Variants in NR3C2 observed in about 807,000 individuals in gnomAD.
NR3C2 encodes nuclear receptor subfamily 3 group C member 2.
In NR3C2, 15 loss-of-function variants were observed where a neutral mutation model predicts 86.4. The ratio of observed to expected loss-of-function variants is 0.17; its 90% confidence interval spans 0.12 to 0.27. The LOEUF (loss-of-function observed/expected upper bound fraction) is 0.27. Ranked by LOEUF, NR3C2 falls within the 10% of genes least tolerant of loss-of-function variation. The pLI is 1.00. For missense variants in NR3C2, 960 were observed against 1,195.6 expected, an observed-to-expected ratio of 0.80 and a Z score of 2.91; for synonymous variants, 458 against 450.5, an observed-to-expected ratio of 1.02 and a Z score of -0.21.
rs1750079100 is a variant in NR3C2 at position 148,436,469 on chromosome 4, G to A, written c.392C>T (p.Ala131Val). ...QQNQQGSMSP[A>V]KIYQNVEQLV... Reference sequence around the variant, plus strand: ...CTGTTCAACATTCTGATAAATCTTAGCTGGACTCATGCTTCCTTGTTGGTT... The same window carrying A: ...CTGTTCAACATTCTGATAAATCTTAACTGGACTCATGCTTCCTTGTTGGTT... Residue 131 changes from alanine to valine, a missense_variant, in exon 2 of 9, where the codon GCT (alanine) becomes GTT (valine). Physicochemically the swap from Ala to Val is moderately conservative, Grantham distance 64. Transcript: ENST00000358102. 6.2e-7 allele frequency: 1 copy of A among 1,614,166 alleles called. No individual in the cohort carries two copies. The highest frequency in any genetic ancestry group is 1.3e-5 in the African/African-American group (1 of 75,018).
chr4:148,211,099 A>G (rs779126420), intron 3 of NR3C2, among the ~76,000 whole-genome samples: 23 of 152,280 alleles, frequency 1.5e-4, no homozygotes, highest in Non-Finnish European at 2.8e-4. Context: ...CAGGAAAGGG[A>G]GTAATCACTG....
intron 6 of NR3C2, among the ~76,000 whole-genome samples, chr4:148,147,777 G>A (rs548459436): frequency 8.5e-5 from 13 of 152,312 alleles, no homozygotes; most frequent in African/African-American, 2.2e-4. Flanking sequence ...AGGAAAGCAC[G>A]GGTAATGGCT....
intron 2 of NR3C2, among the ~76,000 whole-genome samples, chr4:148,421,796 A>T (rs567523278): frequency 6.6e-6 from 1 of 152,226 alleles, no homozygotes; most frequent in African/African-American, 2.4e-5. Context: ...CACAGAGGCT[A>T]GGCCATGTTC....
At chr4:148,314,197 G>A (rs1479493398) in intron 2 of NR3C2, among the ~76,000 whole-genome samples, 2 of 152,114 alleles carry the variant, frequency 1.3e-5, no homozygotes, top group East Asian at 3.9e-4. Flanking sequence ...AGAAATGAAA[G>A]AGATGAGCAA....
At chr4:148,318,445 C>T (rs376729597) in intron 2 of NR3C2, among the ~76,000 whole-genome samples, 5,941 of 148,350 alleles carry the variant, frequency 0.04, 374 homozygotes, top group African/African-American at 0.14. Context: ...CCTGAGGAAT[C>T]GCCACACTGA....
chr4:148,095,275 G>A (rs1731229609), intron 8 of NR3C2, among the ~76,000 whole-genome samples: 1 of 152,236 alleles, frequency 6.6e-6, no homozygotes, highest in Non-Finnish European at 1.5e-5. Context: ...GCCCAGATGG[G>A]CCCCTGAGCC....
At chr4:148,106,198 A>G (rs1030561948) in intron 8 of NR3C2, among the ~76,000 whole-genome samples, 4 of 152,238 alleles carry the variant, frequency 2.6e-5, no homozygotes, top group African/African-American at 9.6e-5. Context: ...CAAAAATCAC[A>G]AGCATTGCCA....
chr4:148,091,791 C>T (rs1731074219), intron 8 of NR3C2, among the ~76,000 whole-genome samples: 1 of 152,178 alleles, frequency 6.6e-6, no homozygotes, highest in Admixed American at 6.5e-5. Flanking sequence ...GACACTGTCC[C>T]CAGTACAGAG....
chr4:148,137,866 CA>C (rs1733417922), intron 6 of NR3C2, among the ~76,000 whole-genome samples: 3 of 152,120 alleles, frequency 2.0e-5, no homozygotes, highest in Admixed American at 2.0e-4. Flanking sequence ...AATTTGCAAA[CA>C]GGCAAAACAA....
chr4:148,282,864 T>C (rs145721095), intron 2 of NR3C2, among the ~76,000 whole-genome samples: 4 of 152,126 alleles, frequency 2.6e-5, no homozygotes, highest in Non-Finnish European at 5.9e-5. Flanking sequence ...ATGGCATCAA[T>C]AGGCAGAGTG....
chr4:148,286,358 G>T (rs1741517553), intron 2 of NR3C2, among the ~76,000 whole-genome samples: 1 of 152,000 alleles, frequency 6.6e-6, no homozygotes, highest in Non-Finnish European at 1.5e-5. Context: ...TAAAAATCAG[G>T]CTGTACAGAA....
intron 6 of NR3C2, among the ~76,000 whole-genome samples, chr4:148,123,078 A>G (rs984999401): frequency 1.3e-5 from 2 of 152,192 alleles, no homozygotes; most frequent in Non-Finnish European, 2.9e-5. Flanking sequence ...ATTAATATTA[A>G]TACCCTGGGG....
intron 4 of NR3C2, among the ~76,000 whole-genome samples, chr4:148,167,720 T>C (rs1734942533): frequency 6.6e-6 from 1 of 152,226 alleles, no homozygotes. Flanking sequence ...TGACCCTCTA[T>C]ACCAGGTTAC....
At chr4:148,244,414 G>A (rs1739220123) in intron 3 of NR3C2, among the ~76,000 whole-genome samples, 1 of 152,218 alleles carries the variant, frequency 6.6e-6, no homozygotes, top group Non-Finnish European at 1.5e-5. Context: ...CGAAATTGTA[G>A]CTACTTTGTC....
In NR3C2 at chr4:148,177,485, A is replaced by T. The variant is rs868264468; in HGVS notation, c.2014+17261T>A. Among the ~76,000 whole-genome samples the T allele has an allele frequency of 2.8e-4, 42 of 152,322 alleles. No homozygotes were observed. The Middle Eastern group carries it at 0.01, about 37-fold the overall frequency. On this transcript the variant is annotated intron_variant, in intron 4 of 8. Coordinates refer to ENST00000358102, the MANE Select transcript of NR3C2 (RefSeq NM_000901.5). Reference sequence around the variant, plus strand: ...AGCTTCTCCATCTTCACAATAACATAATTCAGTGTGAAAATGGGGAAAATA... The same window carrying T: ...AGCTTCTCCATCTTCACAATAACATTATTCAGTGTGAAAATGGGGAAAATA...
At position 148,194,875 on chromosome 4, in the gene NR3C2, A is replaced by G. The variant is rs1736367212; in HGVS notation, c.1898-13T>C. On this transcript the variant is annotated splice_polypyrimidine_tract_variant and intron_variant, in intron 3 of 8. Coordinates refer to ENST00000358102, the MANE Select transcript of NR3C2 (RefSeq NM_000901.5). ...TAGTTGTGTTGCCCTGATTAAAATA[A>G]TAAAAAATAACTGTTAAAATAGAGT... The G allele has an allele frequency of 6.4e-7, 1 of 1,569,592 alleles. No homozygotes were observed. The highest frequency in any genetic ancestry group is 8.7e-7 in the Non-Finnish European group (1 of 1,143,642).
rs1730463891 is a variant in NR3C2, at chr4:148,079,911, C to CTCTT, written c.*1429_*1432dup. Reference sequence around the variant, plus strand: ...GTGACCGGTTCCAGGAGTGCAGAACCTCTTTCCAAGATCAGAAGGGAATAG... The same window carrying CTCTT: ...GTGACCGGTTCCAGGAGTGCAGAACCTCTTTCTTTCCAAGATCAGAAGGGAATAG... On this transcript the variant is annotated 3_prime_UTR_variant, in exon 9 of 9. Coordinates refer to ENST00000358102, the MANE Select transcript of NR3C2 (RefSeq NM_000901.5). 6.6e-6 allele frequency: 1 copy of CTCTT among 152,346 alleles called. No homozygotes were observed. The highest frequency in any genetic ancestry group is 2.1e-4 in the South Asian group (1 of 4,830). The allele number at this position is 152,346 out of a possible 1,614,324, so 9.4% of individuals were successfully genotyped here.
chr4:148,163,434 T>C (rs767811107), intron 4 of NR3C2, among the ~76,000 whole-genome samples: 23 of 152,194 alleles, frequency 1.5e-4, no homozygotes, highest in Non-Finnish European at 2.8e-4. Context: ...ATCCCTTATA[T>C]TTATATGTGT....
At chr4:148,084,407 AGC>A (rs1382255348) in intron 8 of NR3C2, among the ~76,000 whole-genome samples, 9 of 152,250 alleles carry the variant, frequency 5.9e-5, no homozygotes, top group Non-Finnish European at 1.3e-4. Flanking sequence ...TTTCATATCT[AGC>A]TAAACTAAGC....
Sources: gnomAD v4.1 joint callset for allele counts (sites outside exome capture counted in the v4.1 genomes callset) on GRCh38, gnomAD v4.1.1 for gene constraint, MANE v1.5 for transcripts, NCBI Gene and HGNC (gene_info 2026-07-23, HGNC 2026-07-21) for gene names.